The following CHST4 variants were observed in gnomAD, a reference collection of about 807,000 sequenced individuals.
CHST4 encodes the protein GST-3.
For synonymous variants in CHST4, 171 were observed against 195.5 expected, an observed-to-expected ratio of 0.87 and a Z score of 1.05; for missense variants, 466 against 506.0, an observed-to-expected ratio of 0.92 and a Z score of 0.76.
At chr16:71,529,107 G>GTTTTTT in intron 1 of CHST4, among the ~76,000 whole-genome samples, 1 of 136,122 alleles carries the variant, frequency 7.3e-6, no homozygotes, top group African/African-American at 2.7e-5. Context: ...TTTGTTTTTT[G>GTTTTTT]TTTTTTTTTT....
chr16:71,528,845 A>T (rs8061078), intron 1 of CHST4, among the ~76,000 whole-genome samples: 107,918 of 151,906 alleles, frequency 0.71, 39,340 homozygotes, highest in African/African-American at 0.86. Flanking sequence ...AATTCAGCCC[A>T]CTCTAATCAG....
intron 1 of CHST4, among the ~76,000 whole-genome samples, chr16:71,528,182 C>T (rs553920772): frequency 2.1e-5 from 3 of 143,194 alleles, no homozygotes; most frequent in Admixed American, 7.3e-5. Context: ...CCTGAGGAGT[C>T]GAGGTTGCAG....
rs1381534071 is a variant in CHST4, at chr16:71,537,241, C to T, written c.564C>T (p.Tyr188=). 3.7e-6 allele frequency: 6 copies of T among 1,614,222 alleles called. No individual in the cohort carries two copies. The highest frequency in any genetic ancestry group is 2.2e-5 in the East Asian group (1 of 44,876). ...GCTTCTTCAACCTGCAGTCCCTCTA[C>T]CCGCTGCTGAAAGACCCCTCCCTCA... ...EVRFFNLQSL[Y]PLLKDPSLNL... is the part of the protein sequence containing the mutation. Residue 188 remains tyrosine, a synonymous_variant, in exon 2 of 2, where the codon TAC becomes TAT. Coordinates refer to ENST00000539698, the MANE Select transcript of CHST4 (RefSeq NM_001166395.2). The surrounding 1 kb of genome is among the most constrained non-coding windows in gnomAD (Gnocchi z 4.2).
Position 71,537,983 on chromosome 16 carries a change from G to A in CHST4, c.*145G>A. On this transcript the variant is annotated 3_prime_UTR_variant, in exon 2 of 2. Coordinates refer to ENST00000539698, the MANE Select transcript of CHST4 (RefSeq NM_001166395.2). This position sits in a 1 kb window ranked among gnomAD's most constrained non-coding sequence, Gnocchi z 4.2. ...GTGAGTTGTGTCCACACGTGCTCAA[G>A]CAGAAGGACTTTTGTGTCCATGCTT... is the stretch of plus-strand genomic sequence containing the variant. 1 of 725,160 alleles carries A rather than the reference G, an allele frequency of 1.4e-6. No individual in the cohort carries two copies. Among genetic ancestry groups the A allele is most frequent in the Non-Finnish European group, 2.3e-6 (1 of 437,232 alleles). The allele number at this position is 725,160 out of a possible 1,614,324, so 44.9% of individuals were successfully genotyped here.
intron 1 of CHST4, among the ~76,000 whole-genome samples, chr16:71,530,008 C>T (rs1243775418): frequency 1.3e-5 from 2 of 152,130 alleles, no homozygotes; most frequent in African/African-American, 2.4e-5. Context: ...ATTAGCTGGG[C>T]GTGGCTGTAA....
At position 71,536,885 on chromosome 16, in the gene CHST4, T is replaced by G; in HGVS notation, c.208T>G (p.Tyr70Asp). The G allele has an allele frequency of 6.3e-7, 1 of 1,580,830 alleles. No individual in the cohort carries two copies. Among genetic ancestry groups the G allele is most frequent in the Non-Finnish European group, 8.6e-7 (1 of 1,163,540 alleles). ...QLFGQHPDVF[Y>D]LMEPAWHVWM... ...TTTTGGGCAGCACCCAGATGTTTTC[T>G]ACCTGATGGAGCCCGCCTGGCACGT... Residue 70 changes from tyrosine to aspartate, a missense_variant, in exon 2 of 2, where the codon TAC becomes GAC. Coordinates refer to ENST00000539698, the MANE Select transcript of CHST4 (RefSeq NM_001166395.2).
intron 1 of CHST4, among the ~76,000 whole-genome samples, chr16:71,530,766 C>T (rs1440688787): frequency 6.7e-6 from 1 of 148,408 alleles, no homozygotes; most frequent in Non-Finnish European, 1.5e-5. Context: ...AGAGTGAGAC[C>T]CCCGACTCTA....
intron 1 of CHST4, among the ~76,000 whole-genome samples, chr16:71,527,583 C>T (rs886915652): frequency 1.3e-5 from 2 of 152,078 alleles, no homozygotes; most frequent in African/African-American, 2.4e-5. Flanking sequence ...CCTGTCTGTA[C>T]TAAAAATACC....
At chr16:71,527,789 G>A (rs2043919528) in intron 1 of CHST4, among the ~76,000 whole-genome samples, 1 of 152,102 alleles carries the variant, frequency 6.6e-6, no homozygotes, top group East Asian at 1.9e-4. Context: ...TGTCGCCCAG[G>A]CTGGAGTGCA....
At chr16:71,534,578 A>T (rs1233605503) in intron 1 of CHST4, among the ~76,000 whole-genome samples, 2 of 151,894 alleles carry the variant, frequency 1.3e-5, no homozygotes, top group Non-Finnish European at 2.9e-5. Flanking sequence ...GGCTGGTCTC[A>T]AACTCCTGAC....
chr16:71,536,776 C>T lies in CHST4; in HGVS notation c.99C>T (p.Ser33=). The change falls in exon 2 of 2, where the codon TCC becomes TCT. Residue 33 remains serine, a synonymous_variant. Coordinates refer to ENST00000539698, the MANE Select transcript of CHST4 (RefSeq NM_001166395.2). ...ACATGTACAGCCACAACATCAGCTC[C>T]CTGTCTATGAAGGCACAGCCCGAGC... ...FFHMYSHNIS[S]LSMKAQPERM... is the part of the protein sequence containing the mutation. 1.3e-6 allele frequency: 2 copies of T among 1,513,688 alleles called. No homozygotes were observed. Among genetic ancestry groups the T allele is most frequent in the Non-Finnish European group, 1.8e-6 (2 of 1,131,524 alleles). The allele number at this position is 1,513,688 out of a possible 1,614,324, so 93.8% of individuals were successfully genotyped here.
At chr16:71,534,789 G>A (rs1235727156) in intron 1 of CHST4, among the ~76,000 whole-genome samples, 3 of 152,142 alleles carry the variant, frequency 2.0e-5, no homozygotes. Context: ...TTACCATCTG[G>A]AAATCTAGCC....
intron 1 of CHST4, among the ~76,000 whole-genome samples, chr16:71,535,234 G>A (rs1377551343): frequency 3.9e-5 from 6 of 152,220 alleles, no homozygotes; most frequent in South Asian, 4.1e-4. Context: ...GTGCAGTGGC[G>A]CGATCTCGGC....
At position 71,534,605 on chromosome 16, in the gene CHST4, G is replaced by A. The variant is rs151290959; in HGVS notation, c.-18-2055G>A. On this transcript the variant is annotated intron_variant, in intron 1 of 1. Coordinates refer to ENST00000539698, the MANE Select transcript of CHST4 (RefSeq NM_001166395.2). ...ACTCCTGACCTCATATGATCCACCCGCCTCGGCCTCCAAAAGTGTTGGGAC... is the reference window on the plus strand; with the variant it reads ...ACTCCTGACCTCATATGATCCACCCACCTCGGCCTCCAAAAGTGTTGGGAC... Among the ~76,000 whole-genome samples the A allele has an allele frequency of 7.5e-4, 114 of 151,920 alleles. 1 individual carries two copies. The East Asian group carries it at 0.018, about 24-fold the overall frequency.
intron 1 of CHST4, among the ~76,000 whole-genome samples, chr16:71,535,930 G>A (rs563077815): frequency 3.9e-5 from 6 of 152,322 alleles, no homozygotes; most frequent in South Asian, 2.1e-4. Context: ...AAATGGGCAG[G>A]TGAGGTCAGG....
chr16:71,527,556 G>A (rs905103757), intron 1 of CHST4, among the ~76,000 whole-genome samples: 4 of 152,060 alleles, frequency 2.6e-5, no homozygotes, highest in African/African-American at 7.2e-5. Context: ...AGACCAGCCC[G>A]GCCAACATGG....
chr16:71,532,722 C>T (rs563120715), intron 1 of CHST4, among the ~76,000 whole-genome samples: 1 of 152,274 alleles, frequency 6.6e-6, no homozygotes, highest in East Asian at 1.9e-4. Context: ...GAGCCCTGGA[C>T]GTAGAGAATA....
intron 1 of CHST4, among the ~76,000 whole-genome samples, chr16:71,529,109 T>G (rs1290543344): frequency 2.1e-5 from 3 of 144,836 alleles, no homozygotes; most frequent in Non-Finnish European, 4.5e-5. Flanking sequence ...TGTTTTTTGT[T>G]TTTTTTTTTT....
chr16:71,537,756 GCCA>G lies in CHST4; in HGVS notation c.1081_1083del (p.His361del), dbSNP rs1452901231. 6.2e-7 allele frequency: 1 copy of G among 1,614,096 alleles called. No individual in the cohort carries two copies. The highest frequency in any genetic ancestry group is 8.5e-7 in the Non-Finnish European group (1 of 1,180,050). On this transcript the variant is annotated inframe_deletion, in exon 2 of 2. Transcript: ENST00000539698. This position sits in a 1 kb window ranked among gnomAD's most constrained non-coding sequence, Gnocchi z 4.2. ...GATGCCATGAATTTGCTGGGCTACC[GCCA>G]CGTCAGATCTGAACAAGAACAGAGA...
Sources: allele counts gnomAD v4.1 joint callset (sites outside exome capture counted in the v4.1 genomes callset), GRCh38; gene constraint gnomAD v4.1.1; non-coding constraint Gnocchi (gnomAD v3.1); transcripts MANE v1.5; gene names NCBI Gene and HGNC (gene_info 2026-07-23, HGNC 2026-07-21).